Variants in LAPTM5 observed in about 807,000 individuals in gnomAD.
The protein encoded by LAPTM5 is lysosomal-associated transmembrane protein 5.
In LAPTM5, 11 loss-of-function variants were observed where a neutral mutation model predicts 30.1. The observed-to-expected ratio is 0.37, with a 90% CI of 0.23 to 0.60. The LOEUF is 0.60. Among genes scored for constraint, LAPTM5 ranks in the 20% least tolerant of loss-of-function variants. The probability of loss-of-function intolerance (pLI) is 0.71; values close to 1 mark genes in which losing one functional copy is unlikely to be tolerated. For missense variants in LAPTM5, 324 were observed against 332.5 expected, an observed-to-expected ratio of 0.97 and a Z score of 0.20; for synonymous variants, 151 against 137.9, an observed-to-expected ratio of 1.10 and a Z score of -0.67.
intron 7 of LAPTM5, 39 bp downstream of exon 7, chr1:30,735,134 T>A (rs1212684722): frequency 1.4e-6 from 2 of 1,443,920 alleles, no homozygotes; most frequent in East Asian, 2.3e-5. Flanking sequence ...GCACAGGGAG[T>A]TAGTGACAGG....
At position 30,748,164 on chromosome 1, in the gene LAPTM5, C is replaced by A. The variant is rs568019266; in HGVS notation, c.88-5615G>T. On this transcript the variant is annotated intron_variant, in intron 1 of 7. Coordinates refer to ENST00000294507, the MANE Select transcript of LAPTM5 (RefSeq NM_006762.3). ...GAGGTAAAGGTTATAGAGAAAGGAC[C>A]CAGCCGTCAGTGAGCACACACCCGT... is the stretch of plus-strand genomic sequence containing the variant. Among the ~76,000 whole-genome samples, 6 of 152,126 alleles carry A rather than the reference C, an allele frequency of 3.9e-5. No individual in the cohort carries two copies. The South Asian group carries it at 1.2e-3, about 32-fold the overall frequency.
chr1:30,738,682 G>A lies in LAPTM5; in HGVS notation c.510+258C>T, dbSNP rs575721330. Among the ~76,000 whole-genome samples, 5 of 152,318 alleles carry A rather than the reference G, an allele frequency of 3.3e-5. No individual in the cohort carries two copies. The South Asian group carries it at 8.3e-4, about 25-fold the overall frequency. On this transcript the variant is annotated intron_variant, in intron 5 of 7. Coordinates refer to ENST00000294507, the MANE Select transcript of LAPTM5 (RefSeq NM_006762.3). ...CAATTCACATGCCAAAGCCCTCTCT[G>A]GGATCATGCAGGGCTGCTCCTACAG...
intron 2 of LAPTM5, chr1:30,742,083 G>A (rs559768912): frequency 1.5e-4 from 56 of 363,642 alleles, no homozygotes; most frequent in South Asian, 1.2e-3. Flanking sequence ...GTGGAGAATC[G>A]CAGGGAGATG....
At chr1:30,756,470 G>C (rs1443197899) in intron 1 of LAPTM5, among the ~76,000 whole-genome samples, 3 of 152,166 alleles carry the variant, frequency 2.0e-5, no homozygotes, top group Non-Finnish European at 4.4e-5. Context: ...CTATCAGATG[G>C]GTATGATAAT....
rs761135343 is a variant in LAPTM5 at position 30,739,842 on chromosome 1, G to C, written c.354C>G (p.Pro118=). 11 of 1,605,798 alleles carry C rather than the reference G, an allele frequency of 6.9e-6. No homozygotes were observed. Among genetic ancestry groups the C allele is most frequent in the Middle Eastern group, 3.3e-4 (2 of 6,052 alleles). Reference sequence around the variant, plus strand: ...TCCGGGAGGCCAACTTGAGGTAGGCGGGCAGCTCAATGTAGGAGCCCAGCA... The same window carrying C: ...TCCGGGAGGCCAACTTGAGGTAGGCCGGCAGCTCAATGTAGGAGCCCAGCA... ...LTLLGSYIEL[P]AYLKLASRSR... The change falls in exon 4 of 8, where the codon CCC becomes CCG. Residue 118 remains proline (P), a synonymous_variant. Transcript: ENST00000294507. The surrounding 1 kb of genome is among the most constrained non-coding windows in gnomAD (Gnocchi z 4.2).
Position 30,733,178 on chromosome 1 carries a change from C to A in LAPTM5, c.*650G>T, listed in dbSNP as rs577942657. ...GTCCTACATTCGCCAGAGTTGGCAT[C>A]CAGTTGATGGGTTCATTTGAATTAA... On this transcript the variant is annotated 3_prime_UTR_variant, in exon 8 of 8. Coordinates refer to ENST00000294507, the MANE Select transcript of LAPTM5 (RefSeq NM_006762.3). 9.9e-4 allele frequency: 155 copies of A among 156,780 alleles called. No individual in the cohort carries two copies. Among genetic ancestry groups the A allele is most frequent in the African/African-American group, 3.6e-3 (149 of 41,562 alleles). The allele number at this position is 156,780 out of a possible 1,614,324, so 9.7% of individuals were successfully genotyped here.
intron 7 of LAPTM5, among the ~76,000 whole-genome samples, chr1:30,734,835 C>T (rs1639862994): frequency 6.6e-6 from 1 of 152,256 alleles, no homozygotes; most frequent in Non-Finnish European, 1.5e-5. Flanking sequence ...CCAGGTCCTT[C>T]CTCTGTGCTT....
At chr1:30,756,663 G>A (rs925158817) in intron 1 of LAPTM5, among the ~76,000 whole-genome samples, 5 of 152,312 alleles carry the variant, frequency 3.3e-5, no homozygotes, top group African/African-American at 1.2e-4. Flanking sequence ...CCACAGCTCT[G>A]CCTGCCCTGC....
chr1:30,757,630 GCA>G (rs1318858441), intron 1 of LAPTM5, 27 bp downstream of exon 1: 2 of 1,604,022 alleles, frequency 1.2e-6, no homozygotes, highest in Non-Finnish European at 1.7e-6. Flanking sequence ...AAGCACGCAC[GCA>G]CACACACCCG....
chr1:30,733,375 T>C lies in LAPTM5; in HGVS notation c.*453A>G, dbSNP rs1314226940. On this transcript the variant is annotated 3_prime_UTR_variant, in exon 8 of 8. Transcript: ENST00000294507. Reference sequence around the variant, plus strand: ...ATATAGGGGGTAACTAATTAATGATTACTTGATTAAATTGCTATGTGAACT... The same window carrying C: ...ATATAGGGGGTAACTAATTAATGATCACTTGATTAAATTGCTATGTGAACT... 1.0e-5 allele frequency: 4 copies of C among 399,790 alleles called. No homozygotes were observed. Among genetic ancestry groups the C allele is most frequent in the Non-Finnish European group, 1.7e-5 (4 of 238,446 alleles). 24.8% of individuals were successfully genotyped at this position (399,790 alleles called of 1,614,324 possible). A position where few individuals can be genotyped will look rare whatever the true frequency, so the allele number is the denominator to read the frequency against.
intron 7 of LAPTM5, among the ~76,000 whole-genome samples, chr1:30,734,349 T>A (rs1166606171): frequency 1.3e-5 from 2 of 152,124 alleles, no homozygotes; most frequent in Admixed American, 1.3e-4. Context: ...GGGACCTTCT[T>A]TTTCTGTTGG....
rs756356075 is a variant in LAPTM5 at position 30,743,795 on chromosome 1, GT to G, written c.88-1247del. Among the ~76,000 whole-genome samples, 402 of 107,842 alleles carry G rather than the reference GT, an allele frequency of 3.7e-3. 1 individual carries two copies. Among genetic ancestry groups the G allele is most frequent in the Non-Finnish European group, 4.4e-3 (254 of 57,364 alleles). 70.7% of individuals were successfully genotyped at this position (107,842 alleles called of 152,430 possible). On this transcript the variant is annotated intron_variant, in intron 1 of 7. Coordinates refer to ENST00000294507, the MANE Select transcript of LAPTM5 (RefSeq NM_006762.3). ...TGTTTCCCCCTTGCTGACTGTGTGG[GT>G]TTTTTTTTTTTTTTTTTTTTTAGCT...
chr1:30,740,413 C>A (rs1200859365), intron 3 of LAPTM5, among the ~76,000 whole-genome samples: 1 of 145,838 alleles, frequency 6.9e-6, no homozygotes, highest in South Asian at 2.3e-4. Context: ...CCCCACCCCC[C>A]ACTCCCCACC....
chr1:30,733,773 C>G lies in LAPTM5; in HGVS notation c.*55G>C. Reference sequence around the variant, plus strand: ...CACAGGGGCCACCAAAGCAAAAAAGCAGATTATGAGGCAGCTCCACCCCTC... The same window carrying G: ...CACAGGGGCCACCAAAGCAAAAAAGGAGATTATGAGGCAGCTCCACCCCTC... On this transcript the variant is annotated 3_prime_UTR_variant, in exon 8 of 8. Coordinates refer to ENST00000294507, the MANE Select transcript of LAPTM5 (RefSeq NM_006762.3). 1.3e-6 allele frequency: 2 copies of G among 1,572,202 alleles called. No individual in the cohort carries two copies. The highest frequency in any genetic ancestry group is 1.7e-6 in the Non-Finnish European group (2 of 1,163,344).
chr1:30,757,118 G>C (rs1640222263), intron 1 of LAPTM5, among the ~76,000 whole-genome samples: 1 of 152,236 alleles, frequency 6.6e-6, no homozygotes, highest in Admixed American at 6.5e-5. Flanking sequence ...TGGAAGCTGA[G>C]AGGACACGGC....
At chr1:30,753,369 G>T (rs1270593969) in intron 1 of LAPTM5, among the ~76,000 whole-genome samples, 1 of 152,072 alleles carries the variant, frequency 6.6e-6, no homozygotes, top group East Asian at 1.9e-4. Flanking sequence ...AGCATGGAAA[G>T]GAGAAAAAAA....
intron 1 of LAPTM5, among the ~76,000 whole-genome samples, chr1:30,748,142 G>A (rs1201142044): frequency 6.6e-6 from 1 of 152,090 alleles, no homozygotes; most frequent in Non-Finnish European, 1.5e-5. Context: ...TTTCAGGGAG[G>A]TAAAGGTTAT....
At chr1:30,752,157 G>A (rs1045857992) in intron 1 of LAPTM5, among the ~76,000 whole-genome samples, 9 of 152,298 alleles carry the variant, frequency 5.9e-5, no homozygotes, top group African/African-American at 2.2e-4. Flanking sequence ...ATGGGGCAGG[G>A]AAGGAACTCA....
chr1:30,739,841 C>T lies in LAPTM5; in HGVS notation c.355G>A (p.Ala119Thr), dbSNP rs139678458. 104 of 1,604,648 alleles carry T rather than the reference C, an allele frequency of 6.5e-5. 3 individuals are homozygous for T. The Admixed American group carries it at 1.4e-3, about 21-fold the overall frequency. The change falls in exon 4 of 8, where the codon GCC becomes ACC. Residue 119 changes from alanine (A) to threonine (T), a missense_variant. Physicochemically the swap from Ala to Thr is moderately conservative, Grantham distance 58. Transcript: ENST00000294507. This position sits in a 1 kb window ranked among gnomAD's most constrained non-coding sequence, Gnocchi z 4.2. ...CTCCGGGAGGCCAACTTGAGGTAGG[C>T]GGGCAGCTCAATGTAGGAGCCCAGC... ...TLLGSYIELP[A>T]YLKLASRSRA... is the part of the protein sequence containing the mutation.
Sources: allele counts gnomAD v4.1 joint callset (sites outside exome capture counted in the v4.1 genomes callset), GRCh38; gene constraint gnomAD v4.1.1; non-coding constraint Gnocchi (gnomAD v3.1); transcripts MANE v1.5; gene names NCBI Gene and HGNC (gene_info 2026-07-23, HGNC 2026-07-21).